The following GIGYF1 variants were observed in gnomAD, a reference collection of about 807,000 sequenced individuals.
GIGYF1 encodes GRB10-interacting GYF protein 1.
A neutral mutation model predicts 147.1 loss-of-function variants in GIGYF1; 84 were observed. The ratio of observed to expected loss-of-function variants is 0.57; its 90% CI spans 0.48 to 0.68. The LOEUF is 0.68. Among genes scored for constraint, GIGYF1 ranks in the 30% least tolerant of loss-of-function variants. GIGYF1 has a pLI of 0.00. For synonymous variants in GIGYF1, 752 were observed against 589.5 expected (o/e 1.28, Z -3.99); for missense variants, 1,485 against 1,393.7 (o/e 1.07, Z -1.04).
chr7:100,685,985 C>T lies in GIGYF1; in HGVS notation c.1043G>A (p.Gly348Glu), dbSNP rs758579018. The T allele has an allele frequency of 1.2e-6, 2 of 1,612,264 alleles. No individual in the cohort carries two copies. Among genetic ancestry groups the T allele is most frequent in the Non-Finnish European group, 1.7e-6 (2 of 1,179,944 alleles). ...ACCCCGCGGCTCACCTGCCTCAGGCCCTTCCTCCTCTAGCCCTTCGGAAGG... is the reference window on the plus strand; with the variant it reads ...ACCCCGCGGCTCACCTGCCTCAGGCTCTTCCTCCTCTAGCCCTTCGGAAGG... ...EEPSEGLEEE[G>E]PEAGGKELTP... Residue 348 changes from glycine to glutamate, a missense_variant, in exon 12 of 27, where the codon GGG (glycine) becomes GAG (glutamate). By Grantham distance (98) the Gly-to-Glu change is moderately conservative. Transcript: ENST00000678049.
At position 100,686,711 on chromosome 7, in the gene GIGYF1, CCCT is replaced by C. The variant is rs749519464; in HGVS notation, c.629_631del (p.Glu210del). On this transcript the variant is annotated inframe_deletion, in exon 10 of 27. Coordinates refer to ENST00000678049, the MANE Select transcript of GIGYF1 (RefSeq NM_001375765.1). Reference sequence around the variant, plus strand: ...GGGCCCTGCTCCGAGCCTCCAGCTGCCCTCCTCCTCCTCCTCCTGTTCCTCCCG... The same window carrying C: ...GGGCCCTGCTCCGAGCCTCCAGCTGCCCTCCTCCTCCTCCTGTTCCTCCCG... 1.2e-4 allele frequency: 185 copies of C among 1,598,596 alleles called. No individual in the cohort carries two copies. The highest frequency in any genetic ancestry group is 1.4e-4 in the Non-Finnish European group (166 of 1,169,870).
rs140654721 is a variant in GIGYF1 at position 100,683,582 on chromosome 7, G to C, written c.2020C>G (p.Pro674Ala). The C allele has an allele frequency of 1.2e-6, 2 of 1,614,208 alleles. No individual in the cohort carries two copies. Among genetic ancestry groups the C allele is most frequent in the South Asian group, 1.1e-5 (1 of 91,076 alleles). ...DIPINSSTQG[P>A]ILEQLQLQHK... ...TGCAGCTGGAGTTGTTCTAGAATTG[G>C]ACCCTGAGTCGAAGAGTTAATTGGT... The change falls in exon 20 of 27, where the codon CCA (proline) becomes GCA (alanine). Residue 674 changes from proline to alanine, a missense_variant. Pro to Ala is a conservative substitution (Grantham distance 27, BLOSUM62 -1). Coordinates refer to ENST00000678049, the MANE Select transcript of GIGYF1 (RefSeq NM_001375765.1).
In GIGYF1 at chr7:100,688,274, G is replaced by C; in HGVS notation, c.-36C>G. The C allele has an allele frequency of 7.3e-7, 1 of 1,372,868 alleles. No homozygotes were observed. Among genetic ancestry groups the C allele is most frequent in the Non-Finnish European group, 1.0e-6 (1 of 960,612 alleles). The allele number at this position is 1,372,868 out of a possible 1,614,324, so 85.0% of individuals were successfully genotyped here. A position where few individuals can be genotyped will look rare whatever the true frequency, so the allele number is the denominator to read the frequency against. On this transcript the variant is annotated 5_prime_UTR_variant, in exon 4 of 27. Transcript: ENST00000678049. ...GGCGTGTTTGAGAGGCCGGGGGTGG[G>C]GAGGAGGGGACCTGGCGTTCACTGT...
intron 17 of GIGYF1, 28 bp from the exon 18 acceptor site, chr7:100,684,185 G>A: frequency 6.2e-7 from 1 of 1,608,510 alleles, no homozygotes. Flanking sequence ...GAGATGGTGG[G>A]CCACAGAGCC....
At position 100,687,857 on chromosome 7, in the gene GIGYF1, C is replaced by A. The variant is rs773427867; in HGVS notation, c.192G>T (p.Glu64Asp). Residue 64 changes from glutamate to aspartate, a missense_variant, in exon 6 of 27, where the codon GAG becomes GAT. Physicochemically the swap from Glu to Asp is conservative, Grantham distance 45 (BLOSUM62 2). Transcript: ENST00000678049. ...GCTCGTCCTGCAGCACCGCGGCGAA[C>A]TCCTTGTCCTGCAGCTCTTCCGGGA... ...NKVPEELQDK[E>D]FAAVLQDEPL... 7 of 1,613,298 alleles carry A rather than the reference C, an allele frequency of 4.3e-6. No individual in the cohort carries two copies. The South Asian group carries it at 7.7e-5, about 18-fold the overall frequency.
At chr7:100,693,616 C>A (rs1179852776) in intron 1 of GIGYF1, among the ~76,000 whole-genome samples, 1 of 152,164 alleles carries the variant, frequency 6.6e-6, no homozygotes, top group Non-Finnish European at 1.5e-5. Flanking sequence ...GAGGGGAACC[C>A]AAAGGCGCGC....
At position 100,682,142 on chromosome 7, in the gene GIGYF1, T is replaced by C. The variant is rs2131367247; in HGVS notation, c.2855A>G (p.Lys952Arg). Residue 952 changes from lysine (K) to arginine (R), a missense_variant, in exon 25 of 27, where the codon AAA (lysine) becomes AGA (arginine). Coordinates refer to ENST00000678049, the MANE Select transcript of GIGYF1 (RefSeq NM_001375765.1). Reference sequence around the variant, plus strand: ...CTCCAGGAATTGTTTGGCAAATTCTTTGGCTTCCAGCGTGTCCCCCAGGCA... The same window carrying C: ...CTCCAGGAATTGTTTGGCAAATTCTCTGGCTTCCAGCGTGTCCCCCAGGCA... ...RSCLGDTLEA[K>R]EFAKQFLERR... is the part of the protein sequence containing the mutation. The C allele has an allele frequency of 6.2e-6, 10 of 1,614,018 alleles. No individual in the cohort carries two copies. The highest frequency in any genetic ancestry group is 8.5e-6 in the Non-Finnish European group (10 of 1,179,958).
intron 11 of GIGYF1, 42 bp from the exon 12 acceptor site, chr7:100,686,121 G>C (rs370998273): frequency 3.0e-5 from 48 of 1,604,904 alleles, no homozygotes; most frequent in Non-Finnish European, 3.8e-5. Context: ...AGCTGGGGTG[G>C]GTGGGGAGGA....
intron 1 of GIGYF1, among the ~76,000 whole-genome samples, chr7:100,693,553 G>A (rs1351636637): frequency 1.3e-5 from 2 of 152,190 alleles, no homozygotes; most frequent in South Asian, 2.1e-4. Flanking sequence ...TTCCATGTTG[G>A]CCAAAGTCGT....
At position 100,686,633 on chromosome 7, in the gene GIGYF1, C is replaced by G. The variant is rs1805367925; in HGVS notation, c.694+16G>C. The G allele has an allele frequency of 6.2e-7, 1 of 1,603,014 alleles. No individual in the cohort carries two copies. Among genetic ancestry groups the G allele is most frequent in the Admixed American group, 1.7e-5 (1 of 58,242 alleles). ...TCCCCACTGCCCCCGCCAATGCTAC[C>G]AGGCCCCAATCTCACCAGGGCTGGC... On this transcript the variant is annotated intron_variant, in intron 10 of 26. Coordinates refer to ENST00000678049, the MANE Select transcript of GIGYF1 (RefSeq NM_001375765.1).
In GIGYF1 at chr7:100,682,924, G is replaced by T. The variant is rs576283382; in HGVS notation, c.2412+88C>A. ...ACAGGAGAGGCTGGGACTGGGGCTG[G>T]GGCTGCACAAGTCTGGGTTCAGTAT... On this transcript the variant is annotated intron_variant, in intron 22 of 26. Transcript: ENST00000678049. The T allele has an allele frequency of 1.9e-5, 24 of 1,292,922 alleles. No homozygotes were observed. In the South Asian group the frequency reaches 3.6e-4, roughly 19 times the overall value. 80.1% of individuals were successfully genotyped at this position (1,292,922 alleles called of 1,614,324 possible). A position where few individuals can be genotyped will look rare whatever the true frequency, so the allele number is the denominator to read the frequency against.
chr7:100,693,540 G>C (rs1805987497), intron 1 of GIGYF1, among the ~76,000 whole-genome samples: 1 of 152,210 alleles, frequency 6.6e-6, no homozygotes, highest in Admixed American at 6.5e-5. Context: ...TGGAGGGCAA[G>C]GCTTCCATGT....
chr7:100,687,679 C>A, intron 6 of GIGYF1, 63 bp from the exon 7 acceptor site: 1 of 1,458,030 alleles, frequency 6.9e-7, no homozygotes, highest in East Asian at 2.4e-5. Context: ...ACCCCCACCC[C>A]ACAGCACCCT....
chr7:100,685,163 A>T lies in GIGYF1; in HGVS notation c.1193-17T>A. On this transcript the variant is annotated splice_polypyrimidine_tract_variant and intron_variant, in intron 13 of 26. Transcript: ENST00000678049. ...GAATATCATCTGGAAGGCATGAGATAGGAGGTGGAAAGAAGGGCGGGGAGG... is the reference window on the plus strand; with the variant it reads ...GAATATCATCTGGAAGGCATGAGATTGGAGGTGGAAAGAAGGGCGGGGAGG... 6.4e-7 allele frequency: 1 copy of T among 1,566,808 alleles called. No individual in the cohort carries two copies. Among genetic ancestry groups the T allele is most frequent in the Non-Finnish European group, 8.7e-7 (1 of 1,151,364 alleles).
rs762393220 is a variant in GIGYF1, at chr7:100,685,963, C to T, written c.1054+11G>A. ...CCCAGCCCCAGGCCCGCTGGGCACC[C>T]CGCGGCTCACCTGCCTCAGGCCCTT... On this transcript the variant is annotated intron_variant, in intron 12 of 26. Coordinates refer to ENST00000678049, the MANE Select transcript of GIGYF1 (RefSeq NM_001375765.1). 1 of 1,610,272 alleles carries T rather than the reference C, an allele frequency of 6.2e-7. No homozygotes were observed. The highest frequency in any genetic ancestry group is 8.5e-7 in the Non-Finnish European group (1 of 1,178,966).
At position 100,687,898 on chromosome 7, in the gene GIGYF1, G is replaced by A. The variant is rs1805529675; in HGVS notation, c.166-15C>T. On this transcript the variant is annotated splice_polypyrimidine_tract_variant and intron_variant, in intron 5 of 26. Transcript: ENST00000678049. ...TCTTCCGGGACCTGGCAGTGGGTTG[G>A]GACAGCCAAGACACCACATGCTGCC... 2.5e-6 allele frequency: 4 copies of A among 1,613,578 alleles called. No individual in the cohort carries two copies. Among genetic ancestry groups the A allele is most frequent in the Non-Finnish European group, 3.4e-6 (4 of 1,179,874 alleles).
intron 24 of GIGYF1, 38 bp from the exon 25 acceptor site, chr7:100,682,273 G>T (rs370684447): frequency 6.2e-7 from 1 of 1,607,906 alleles, no homozygotes; most frequent in South Asian, 1.1e-5. Context: ...CCCCCTGGCC[G>T]GGTCTGGAGA....
chr7:100,686,553 G>T, intron 10 of GIGYF1, 96 bp downstream of exon 10: 1 of 1,522,796 alleles, frequency 6.6e-7, no homozygotes. Flanking sequence ...ACACCAGCCA[G>T]CCTCTGCTCC....
intron 1 of GIGYF1, among the ~76,000 whole-genome samples, chr7:100,690,875 A>G (rs1805776421): frequency 6.6e-6 from 1 of 151,894 alleles, no homozygotes; most frequent in Non-Finnish European, 1.5e-5. Context: ...CTCCGGCTCA[A>G]GTCACCCATC....
Sources: gnomAD v4.1 joint callset for allele counts (sites outside exome capture counted in the v4.1 genomes callset) on GRCh38, gnomAD v4.1.1 for gene constraint, MANE v1.5 for transcripts, NCBI Gene and HGNC (gene_info 2026-07-23, HGNC 2026-07-21) for gene names.